CFAP43: variants seen among roughly 807,000 people sequenced by gnomAD.
CFAP43 encodes cilia and flagella associated protein 43.
A neutral mutation model predicts 218.9 loss-of-function variants in CFAP43; 155 were observed. The observed-to-expected ratio is 0.71, with a 90% CI of 0.62 to 0.81. The LOEUF (loss-of-function observed/expected upper bound fraction) is 0.81. Ranked by LOEUF, CFAP43 falls within the 30% of genes least tolerant of loss-of-function variation. The pLI, the probability that CFAP43 is intolerant of heterozygous loss-of-function variation, is 0.00. For missense variants in CFAP43, 1,778 were observed against 1,954.3 expected, an observed-to-expected ratio of 0.91 and a Z score of 1.70; for synonymous variants, 645 against 681.3, an observed-to-expected ratio of 0.95 and a Z score of 0.83.
intron 36 of CFAP43, 29 bp from the exon 37 acceptor site, chr10:104,131,513 C>T: frequency 1.3e-6 from 2 of 1,582,674 alleles, no homozygotes; most frequent in Non-Finnish European, 1.7e-6. Context: ...TGACACCCCA[C>T]AAAATTAATT....
At chr10:104,170,405 G>T (rs1183537835) in intron 20 of CFAP43, among the ~76,000 whole-genome samples, 2 of 152,108 alleles carry the variant, frequency 1.3e-5, no homozygotes, top group Admixed American at 6.5e-5. Flanking sequence ...GTGGGCCAGG[G>T]GAGCAGGTTC....
Position 104,147,936 on chromosome 10 carries a change from T to G in CFAP43, c.3723A>C (p.Arg1241Ser). 1 of 1,605,186 alleles carries G rather than the reference T, an allele frequency of 6.2e-7. No homozygotes were observed. The highest frequency in any genetic ancestry group is 8.5e-7 in the Non-Finnish European group (1 of 1,175,536). Residue 1241 changes from arginine (R) to serine (S), a missense_variant, in exon 29 of 38, where the codon AGA (arginine) becomes AGC (serine). This residue lies in a region of CFAP43 where 1,553 missense variants were observed against 1,685.2 expected (regional missense o/e 0.92). Transcript: ENST00000357060. ...TAAGGTAGTTGTTCAGGAATTTTTCTCTAGAGCTTAATTCTTCATCCAACA... is the reference window on the plus strand; with the variant it reads ...TAAGGTAGTTGTTCAGGAATTTTTCGCTAGAGCTTAATTCTTCATCCAACA... ...SLLLDEELSS[R>S]EKFLNNYLTR...
rs967773529 is a variant in CFAP43, at chr10:104,232,281, C to A, written c.-35G>T. 45 of 1,569,516 alleles carry A rather than the reference C, an allele frequency of 2.9e-5. No homozygotes were observed. In the Admixed American group the frequency reaches 6.7e-4, roughly 23 times the overall value. On this transcript the variant is annotated 5_prime_UTR_variant, in exon 1 of 38. Transcript: ENST00000357060. ...TTTCCTCAGGCGGGAGCAGGCAGCG[C>A]ACGCAGCACCCCAGGGCGGGTCGGT...
At chr10:104,209,100 C>A (rs2090778514) in intron 5 of CFAP43, among the ~76,000 whole-genome samples, 2 of 152,160 alleles carry the variant, frequency 1.3e-5, no homozygotes, top group African/African-American at 4.8e-5. Context: ...TATTGATTCC[C>A]TTGCCATTGG....
chr10:104,189,523 G>A (rs923594111), intron 12 of CFAP43, among the ~76,000 whole-genome samples: 2 of 152,158 alleles, frequency 1.3e-5, no homozygotes, highest in Admixed American at 6.5e-5. Flanking sequence ...GTGTCAGCCT[G>A]TACTTTCATC....
At chr10:104,144,152 TC>T (rs2087838997) in intron 31 of CFAP43, among the ~76,000 whole-genome samples, 1 of 152,174 alleles carries the variant, frequency 6.6e-6, no homozygotes, top group Non-Finnish European at 1.5e-5. Flanking sequence ...TATATTATCA[TC>T]CCCATTCTCT....
chr10:104,156,819 G>A (rs906494454), intron 27 of CFAP43, among the ~76,000 whole-genome samples: 6 of 152,146 alleles, frequency 3.9e-5, no homozygotes, highest in Non-Finnish European at 7.3e-5. Context: ...AGAGACAGCA[G>A]CTCGAAACCC....
chr10:104,227,907 C>T (rs1163791056), intron 2 of CFAP43, among the ~76,000 whole-genome samples: 3 of 120,394 alleles, frequency 2.5e-5, no homozygotes, highest in African/African-American at 3.3e-5. Context: ...AGTGCAGTGG[C>T]GTGATCTCGG....
At chr10:104,221,174 C>T (rs34607366) in intron 3 of CFAP43, among the ~76,000 whole-genome samples, 19,102 of 152,174 alleles carry the variant, frequency 0.13, 1,498 homozygotes, top group Non-Finnish European at 0.17. Context: ...GGGGTTTCAC[C>T]ATGTTGGCCA....
At chr10:104,133,512 C>T (rs2087294344) in intron 35 of CFAP43, 108 bp downstream of exon 35, 3 of 1,209,940 alleles carry the variant, frequency 2.5e-6, no homozygotes, top group Non-Finnish European at 3.4e-6. Flanking sequence ...ACACTCCTGG[C>T]TTAGAATATG....
At chr10:104,214,177 A>G in intron 4 of CFAP43, 82 bp downstream of exon 4, 1 of 1,383,544 alleles carries the variant, frequency 7.2e-7, no homozygotes, top group South Asian at 1.7e-5. Flanking sequence ...AAAGCCACTT[A>G]ATTCATCAAA....
At chr10:104,167,474 G>T in intron 22 of CFAP43, 147 bp downstream of exon 22, 1 of 525,546 alleles carries the variant, frequency 1.9e-6, no homozygotes, top group Non-Finnish European at 3.1e-6. Context: ...ATAGTTATTA[G>T]AATATATTCT....
At chr10:104,224,582 C>T (rs1246532904) in intron 3 of CFAP43, among the ~76,000 whole-genome samples, 1 of 150,964 alleles carries the variant, frequency 6.6e-6, no homozygotes, top group Non-Finnish European at 1.5e-5. Flanking sequence ...TGGTGAAACC[C>T]CGTCTCTACA....
intron 3 of CFAP43, among the ~76,000 whole-genome samples, chr10:104,217,569 C>T (rs751298806): frequency 6.6e-6 from 1 of 152,188 alleles, no homozygotes; most frequent in Admixed American, 6.5e-5. Context: ...TCACCACACC[C>T]GCAAGAGGGC....
intron 34 of CFAP43, among the ~76,000 whole-genome samples, chr10:104,135,512 T>C (rs898510966): frequency 2.0e-5 from 3 of 152,172 alleles, no homozygotes; most frequent in African/African-American, 7.2e-5. Flanking sequence ...CTACTAGAGA[T>C]AATACATAAA....
rs541198482 is a variant in CFAP43 at position 104,183,353 on chromosome 10, A to G, written c.2142-840T>C. Among the ~76,000 whole-genome samples the G allele has an allele frequency of 2.6e-5, 4 of 151,890 alleles. No individual in the cohort carries two copies. In the South Asian group the frequency reaches 6.2e-4, roughly 24 times the overall value. ...GATTTAGAGGGGTTGTCATTTGCCA[A>G]GGTCACAAAGTCAAAAGTCCTAGAC... On this transcript the variant is annotated intron_variant, in intron 16 of 37. Transcript: ENST00000357060.
chr10:104,138,975 A>C (rs2087577259), intron 34 of CFAP43, among the ~76,000 whole-genome samples: 2 of 152,226 alleles, frequency 1.3e-5, no homozygotes, highest in Non-Finnish European at 2.9e-5. Flanking sequence ...ACAAATGGGG[A>C]ATTTCAGCAG....
At chr10:104,152,842 T>A (rs1311105414) in intron 27 of CFAP43, 116 bp from the exon 28 acceptor site, 5 of 1,101,708 alleles carry the variant, frequency 4.5e-6, no homozygotes, top group Non-Finnish European at 6.4e-6. Context: ...TGCAAGGTGT[T>A]CTGGGCTCTG....
chr10:104,212,167 A>C lies in CFAP43; in HGVS notation c.585-10T>G, dbSNP rs1047962527. ...AGGTAATTTCACCGACCTGTAGACA[A>C]AAGAGGCATCAGAACAATGAGATGA... On this transcript the variant is annotated splice_polypyrimidine_tract_variant and intron_variant, in intron 4 of 37. Transcript: ENST00000357060. 8 of 1,611,418 alleles carry C rather than the reference A, an allele frequency of 5.0e-6. No homozygotes were observed. Among genetic ancestry groups the C allele is most frequent in the Non-Finnish European group, 6.8e-6 (8 of 1,178,300 alleles).
Sources: allele counts gnomAD v4.1 joint callset (sites outside exome capture counted in the v4.1 genomes callset), GRCh38; gene constraint gnomAD v4.1.1; regional missense constraint gnomAD v4.1.1; transcripts MANE v1.5; gene names NCBI Gene and HGNC (gene_info 2026-07-23, HGNC 2026-07-21).